The following NDRG4 variants were observed in gnomAD, a reference collection of about 807,000 sequenced individuals.
NDRG4 encodes the protein NDRG family member 4.
Under a neutral mutation model 55.8 loss-of-function variants are expected in NDRG4, and 38 were observed. The observed-to-expected ratio is 0.68, with a 90% CI of 0.53 to 0.89. The LOEUF is 0.89. Among genes scored for constraint, NDRG4 ranks in the 40% least tolerant of loss-of-function variants. NDRG4 has a pLI of 0.00. For synonymous variants in NDRG4, 190 were observed against 182.7 expected, an observed-to-expected ratio of 1.04 and a Z score of -0.32; for missense variants, 455 against 468.6, an observed-to-expected ratio of 0.97 and a Z score of 0.27.
At chr16:58,507,787 G>C in intron 8 of NDRG4, 21 bp from the exon 9 acceptor site, 1 of 1,612,326 alleles carries the variant, frequency 6.2e-7, no homozygotes, top group Non-Finnish European at 8.5e-7. Flanking sequence ...CTCTGCCTCT[G>C]CCCCTCCCCC....
intron 1 of NDRG4, 135 bp downstream of exon 1, chr16:58,500,404 C>A: frequency 1.6e-6 from 2 of 1,217,906 alleles, no homozygotes; most frequent in Non-Finnish European, 2.2e-6. Flanking sequence ...ACCCTGGGGT[C>A]ACTGAGACAC....
chr16:58,466,419 G>A (rs1177251636), intron 1 of NDRG4, among the ~76,000 whole-genome samples: 1 of 152,206 alleles, frequency 6.6e-6, no homozygotes, highest in African/African-American at 2.4e-5. Flanking sequence ...AATGCTCACA[G>A]GAGACATGTG....
intron 5 of NDRG4, 176 bp downstream of exon 5, chr16:58,504,825 T>A (rs935525260): frequency 7.8e-6 from 5 of 640,574 alleles, no homozygotes; most frequent in Non-Finnish European, 1.1e-5. Context: ...CCAGGGAAAT[T>A]AACTTTTTTA....
intron 5 of NDRG4, chr16:58,506,132 G>C: frequency 1.6e-6 from 1 of 624,474 alleles, no homozygotes; most frequent in Non-Finnish European, 2.8e-6. Context: ...TGTTGAAAGA[G>C]CGTGTGTGTG....
intron 1 of NDRG4, among the ~76,000 whole-genome samples, chr16:58,478,709 TGTAA>T (rs1567575269): frequency 3.3e-5 from 5 of 149,480 alleles, no homozygotes; most frequent in African/African-American, 4.9e-5. Context: ...TTTTTTTTTT[TGTAA>T]TTTTTTTGTA....
chr16:58,500,143 A>C lies in NDRG4; in HGVS notation c.-106A>C. ...AATGGCCCAGGAGCTGTGCCCCATCACAGAGCCGACCATCTCCCACTCGAG... is the reference window on the plus strand; with the variant it reads ...AATGGCCCAGGAGCTGTGCCCCATCCCAGAGCCGACCATCTCCCACTCGAG... On this transcript the variant is annotated 5_prime_UTR_variant, in exon 1 of 15. Transcript: ENST00000570248. The C allele has an allele frequency of 6.5e-7, 1 of 1,534,942 alleles. No homozygotes were observed. The highest frequency in any genetic ancestry group is 1.2e-5 in the South Asian group (1 of 83,790).
At chr16:58,508,481 GAGCTGCTGGGA>G (rs1166469259) in intron 10 of NDRG4, among the ~76,000 whole-genome samples, 1 of 152,182 alleles carries the variant, frequency 6.6e-6, no homozygotes, top group Non-Finnish European at 1.5e-5. Context: ...CATCAGCACA[GAGCTGCTGGGA>G]AGCTGCAGGG....
chr16:58,503,896 C>T lies in NDRG4; in HGVS notation c.120C>T (p.Gly40=). The T allele has an allele frequency of 6.2e-7, 1 of 1,613,756 alleles. No individual in the cohort carries two copies. Among genetic ancestry groups the T allele is most frequent in the South Asian group, 1.1e-5 (1 of 91,088 alleles). Residue 40 remains glycine, a synonymous_variant, in exon 2 of 15, where the codon GGC becomes GGT. Coordinates refer to ENST00000570248, the MANE Select transcript of NDRG4 (RefSeq NM_001242835.2). ...RPAILTYHDV[G]LNHKLCFNTF... ...CCATCCTCACCTACCATGATGTGGG[C>T]CTCAACCGTAAGTGCAGCCCAGCCT...
chr16:58,479,734 G>A (rs1196692809), intron 1 of NDRG4, among the ~76,000 whole-genome samples: 3 of 152,176 alleles, frequency 2.0e-5, no homozygotes, highest in African/African-American at 7.2e-5. Context: ...TAGACACAGG[G>A]AACATCCGAG....
At position 58,512,977 on chromosome 16, in the gene NDRG4, T is replaced by G. The variant is rs2038954906; in HGVS notation, c.*1401T>G. 1 of 152,676 alleles carries G rather than the reference T, an allele frequency of 6.5e-6. No homozygotes were observed. Among genetic ancestry groups the G allele is most frequent in the East Asian group, 1.9e-4 (1 of 5,192 alleles). 9.5% of individuals were successfully genotyped at this position (152,676 alleles called of 1,614,324 possible). A position where few individuals can be genotyped will look rare whatever the true frequency, so the allele number is the denominator to read the frequency against. ...CACACATCACCCCCCTTCTATAATC[T>G]TAAGCCATGACTAGCCTGGTGGCGT... is the stretch of plus-strand genomic sequence containing the variant. On this transcript the variant is annotated 3_prime_UTR_variant, in exon 15 of 15. Coordinates refer to ENST00000570248, the MANE Select transcript of NDRG4 (RefSeq NM_001242835.2).
At position 58,478,385 on chromosome 16, in the gene NDRG4, T is replaced by C. The variant is rs561250633; in HGVS notation, c.-23-9371T>C. Among the ~76,000 whole-genome samples the C allele has an allele frequency of 2.5e-4, 20 of 78,626 alleles. No individual in the cohort carries two copies. The East Asian group carries it at 6.3e-3, about 25-fold the overall frequency. 51.6% of individuals were successfully genotyped at this position (78,626 alleles called of 152,430 possible). Reference sequence around the variant, plus strand: ...GCCTGGGCGACAATATGAGACTCCATCTAAAAAAAAAAAAAAAGTGTCAAG... The same window carrying C: ...GCCTGGGCGACAATATGAGACTCCACCTAAAAAAAAAAAAAAAGTGTCAAG... On this transcript the variant is annotated intron_variant, in intron 1 of 15. Transcript: ENST00000258187.
chr16:58,475,745 A>G (rs894620580), intron 1 of NDRG4: 1 of 444,698 alleles, frequency 2.2e-6, no homozygotes, highest in Non-Finnish European at 4.5e-6. Flanking sequence ...AGCTCCTGCC[A>G]TCACATCTGT....
At position 58,504,433 on chromosome 16, in the gene NDRG4, C is replaced by T; in HGVS notation, c.311+12C>T. 1 of 1,612,414 alleles carries T rather than the reference C, an allele frequency of 6.2e-7. No homozygotes were observed. The highest frequency in any genetic ancestry group is 2.2e-5 in the East Asian group (1 of 44,880). On this transcript the variant is annotated intron_variant, in intron 4 of 14. Transcript: ENST00000570248. ...GTGCAGCATTTCGGGTGAGTCCCCG[C>T]ACAGCCCCTGCGCTAGGGCCCAGGG...
At chr16:58,491,173 G>A (rs1456655093) in intron 2 of NDRG4, among the ~76,000 whole-genome samples, 1 of 151,898 alleles carries the variant, frequency 6.6e-6, no homozygotes, top group African/African-American at 2.4e-5. Flanking sequence ...CTACTCGGGA[G>A]GCTGAGGCAG....
rs546676253 is a variant in NDRG4, at chr16:58,510,206, C to A, written c.866-439C>A. Among the ~76,000 whole-genome samples, 8 of 152,226 alleles carry A rather than the reference C, an allele frequency of 5.3e-5. No individual in the cohort carries two copies. The East Asian group carries it at 1.4e-3, about 26-fold the overall frequency. ...AGCCCTAGGGCCCACAGGGAGGCTC[C>A]GCAGGAGCACAGAGTCTGGAATCAG... On this transcript the variant is annotated intron_variant, in intron 13 of 14. Transcript: ENST00000570248.
intron 12 of NDRG4, 28 bp downstream of exon 12, chr16:58,509,217 C>G (rs750239565): frequency 1.2e-6 from 2 of 1,613,982 alleles, no homozygotes; most frequent in South Asian, 2.2e-5. Context: ...CCTGCCCTTA[C>G]ATCTATGGGG....
At chr16:58,510,726 C>T (rs1009210692) in intron 14 of NDRG4, 43 bp downstream of exon 14, 7 of 1,519,066 alleles carry the variant, frequency 4.6e-6, no homozygotes, top group Admixed American at 2.0e-5. Context: ...CGCCCAGCCT[C>T]CTCCTCCCCC....
downstream of NDRG4, among the ~76,000 whole-genome samples, chr16:58,515,216 A>C (rs1202234159): frequency 2.0e-5 from 3 of 152,126 alleles, no homozygotes; most frequent in Non-Finnish European, 4.4e-5. Flanking sequence ...TCCGATCCAG[A>C]AACCGTATTT....
intron 1 of NDRG4, chr16:58,501,740 A>C: frequency 3.2e-6 from 1 of 314,570 alleles, no homozygotes; most frequent in South Asian, 2.5e-5. Flanking sequence ...GAGCCCTAGT[A>C]GAGCCTGATC....
Sources: gnomAD v4.1 joint callset for allele counts (sites outside exome capture counted in the v4.1 genomes callset) on GRCh38, gnomAD v4.1.1 for gene constraint, MANE v1.5 for transcripts, NCBI Gene and HGNC (gene_info 2026-07-23, HGNC 2026-07-21) for gene names.